RAD51B: variants seen among roughly 807,000 people sequenced by gnomAD.
RAD51B encodes RAD51 paralog B, also known as DNA repair protein RAD51 homolog 2.
In RAD51B, 38 loss-of-function variants were observed where a neutral mutation model predicts 42.2. The observed-to-expected ratio is 0.90, with a 90% CI of 0.70 to 1.18. RAD51B has a LOEUF of 1.18. RAD51B is among the 50% of genes most tolerant of loss of function. RAD51B has a pLI of 0.00. For synonymous variants in RAD51B, 154 were observed against 145.2 expected, an observed-to-expected ratio of 1.06 and a Z score of -0.43; for missense variants, 373 against 400.7, an observed-to-expected ratio of 0.93 and a Z score of 0.59.
intron 9 of RAD51B, among the ~76,000 whole-genome samples, chr14:68,442,536 G>A (rs866543010): frequency 1.7e-4 from 26 of 150,594 alleles, no homozygotes; most frequent in Non-Finnish European, 3.1e-4. Flanking sequence ...CGCCTCCTGG[G>A]TTCAAGCTAT....
At chr14:68,599,189 G>C (rs1304277164), downstream of RAD51B, among the ~76,000 whole-genome samples, 1 of 152,222 alleles carries the variant, frequency 6.6e-6, no homozygotes, top group Non-Finnish European at 1.5e-5. Context: ...AGTGGTGGTA[G>C]TGTGGGCATA....
chr14:68,103,180 G>A (rs1024417797), intron 7 of RAD51B, among the ~76,000 whole-genome samples: 2 of 152,156 alleles, frequency 1.3e-5, no homozygotes, highest in Non-Finnish European at 2.9e-5. Flanking sequence ...CCACACCAAT[G>A]CATGTCTTTT....
chr14:67,927,014 T>A (rs1260012295), intron 7 of RAD51B, among the ~76,000 whole-genome samples: 2 of 152,182 alleles, frequency 1.3e-5, no homozygotes, highest in East Asian at 3.8e-4. Context: ...TACAAAGTAT[T>A]TTATACTGTG....
chr14:68,197,143 A>G (rs185675620), intron 7 of RAD51B, among the ~76,000 whole-genome samples: 113 of 152,246 alleles, frequency 7.4e-4, no homozygotes, highest in African/African-American at 2.6e-3. Context: ...ACAGATCTTA[A>G]GTGGACAATT....
chr14:68,486,102 G>A (rs1454581637), intron 10 of RAD51B, among the ~76,000 whole-genome samples: 8 of 152,194 alleles, frequency 5.3e-5, no homozygotes, highest in African/African-American at 9.7e-5. Context: ...TTTAGTGGAC[G>A]TGAGTCTAGG....
chr14:68,318,265 A>G (rs1956674431), intron 8 of RAD51B, among the ~76,000 whole-genome samples: 1 of 152,254 alleles, frequency 6.6e-6, no homozygotes, highest in South Asian at 2.1e-4. Flanking sequence ...AACCTGGCCC[A>G]AGAGCTTAAT....
At chr14:68,674,128 TACAC>T (rs763722428) in intron 11 of RAD51B, among the ~76,000 whole-genome samples, 3 of 151,944 alleles carry the variant, frequency 2.0e-5, no homozygotes, top group Admixed American at 2.0e-4. Context: ...CATACACACA[TACAC>T]ACACATATAC....
intron 8 of RAD51B, among the ~76,000 whole-genome samples, chr14:68,335,526 T>C (rs1366672808): frequency 1.3e-5 from 2 of 152,166 alleles, no homozygotes; most frequent in Non-Finnish European, 2.9e-5. Context: ...TGCAACCAGC[T>C]CACCTTCCTG....
At chr14:68,431,180 G>A (rs1042551258) in intron 9 of RAD51B, among the ~76,000 whole-genome samples, 4 of 152,010 alleles carry the variant, frequency 2.6e-5, no homozygotes, top group African/African-American at 4.8e-5. Flanking sequence ...TTTTTGCATC[G>A]ATGTTCATCA....
chr14:68,541,105 A>G, intron 10 of RAD51B: 1 of 985,386 alleles, frequency 1.0e-6, no homozygotes, highest in Non-Finnish European at 1.2e-6. Flanking sequence ...GCCCTCTGTG[A>G]TGTTTCCAGA....
intron 7 of RAD51B, among the ~76,000 whole-genome samples, chr14:68,062,670 A>G (rs968688802): frequency 9.2e-5 from 14 of 152,060 alleles, no homozygotes; most frequent in Admixed American, 6.5e-5. Flanking sequence ...TTAGCTGGCC[A>G]TGGTGACAGG....
At chr14:67,989,994 CTTTTTTT>C (rs539586350) in intron 7 of RAD51B, among the ~76,000 whole-genome samples, 5 of 118,386 alleles carry the variant, frequency 4.2e-5, no homozygotes, top group African/African-American at 1.4e-4. Flanking sequence ...CTTTTAACAT[CTTTTTTT>C]TTTTTTTTTT....
At chr14:68,636,139 A>G (rs1001700041) in intron 10 of RAD51B, among the ~76,000 whole-genome samples, 3 of 152,194 alleles carry the variant, frequency 2.0e-5, no homozygotes, top group Non-Finnish European at 4.4e-5. Context: ...GATCCACTGT[A>G]CTTTGTCTGA....
chr14:68,056,302 C>T (rs762520111), intron 7 of RAD51B, among the ~76,000 whole-genome samples: 16 of 152,038 alleles, frequency 1.1e-4, no homozygotes, highest in Non-Finnish European at 2.1e-4. Flanking sequence ...GGGATGCCAC[C>T]ATGCCTGGCT....
intron 5 of RAD51B, among the ~76,000 whole-genome samples, chr14:67,879,966 A>T (rs73280465): frequency 0.015 from 2,221 of 152,296 alleles, 59 homozygotes; most frequent in African/African-American, 0.05. Context: ...GTTACATTAA[A>T]ATCTATTCAT....
chr14:68,419,756 TTG>T (rs146823627), intron 9 of RAD51B, among the ~76,000 whole-genome samples: 41 of 152,298 alleles, frequency 2.7e-4, no homozygotes, highest in African/African-American at 9.4e-4. Context: ...TGGGAGCTTT[TTG>T]GTTATCACAT....
intron 10 of RAD51B, among the ~76,000 whole-genome samples, chr14:68,493,244 C>T (rs1404190378): frequency 1.3e-5 from 2 of 152,208 alleles, no homozygotes; most frequent in Non-Finnish European, 2.9e-5. Flanking sequence ...TTCTCAAAGA[C>T]ATTGCAGCTT....
At chr14:67,899,154 T>C (rs1221390158) in intron 7 of RAD51B, among the ~76,000 whole-genome samples, 1 of 152,080 alleles carries the variant, frequency 6.6e-6, no homozygotes, top group Non-Finnish European at 1.5e-5. Flanking sequence ...GCTATTCTCC[T>C]GCCTCAGCCT....
At chr14:67,938,005 A>G (rs533287533) in intron 7 of RAD51B, among the ~76,000 whole-genome samples, 3 of 152,318 alleles carry the variant, frequency 2.0e-5, no homozygotes, top group East Asian at 1.9e-4. Context: ...ATCAAAATCC[A>G]TATGGATTCT....
Sources: allele counts gnomAD v4.1 joint callset (sites outside exome capture counted in the v4.1 genomes callset), GRCh38; gene constraint gnomAD v4.1.1; transcripts MANE v1.5; gene names NCBI Gene and HGNC (gene_info 2026-07-23, HGNC 2026-07-21).